ACVR1: variants seen among roughly 807,000 people sequenced by gnomAD.
ACVR1 encodes the protein activin receptor type-1.
ACVR1 carries 38 observed loss-of-function variants against 57.1 expected under a neutral mutation model. The observed-to-expected ratio is 0.67, with a 90% CI of 0.51 to 0.87. ACVR1 has a LOEUF of 0.87. Ranked by LOEUF, ACVR1 falls within the 40% of genes least tolerant of loss-of-function variation. ACVR1 has a pLI of 0.00. For missense variants in ACVR1, 463 were observed against 638.2 expected, an observed-to-expected ratio of 0.73 and a Z score of 2.96; for synonymous variants, 212 against 228.1, an observed-to-expected ratio of 0.93 and a Z score of 0.63.
intron 1 of ACVR1, among the ~76,000 whole-genome samples, chr2:157,869,823 CAT>C (rs1414044719): frequency 1.3e-5 from 2 of 152,206 alleles, no homozygotes; most frequent in African/African-American, 4.8e-5. Flanking sequence ...GCACTGGGCA[CAT>C]GTGTCCCTTA....
At chr2:157,844,625 G>T (rs1477375752) in intron 1 of ACVR1, among the ~76,000 whole-genome samples, 1 of 152,076 alleles carries the variant, frequency 6.6e-6, no homozygotes, top group South Asian at 2.1e-4. Flanking sequence ...TTGATCATCT[G>T]ATAGATGCTG....
At chr2:157,826,677 AAAAG>A (rs1395583069) in intron 1 of ACVR1, 3 of 146,606 alleles carry the variant, frequency 2.0e-5, no homozygotes, top group African/African-American at 7.6e-5. Flanking sequence ...GAAACAAAAG[AAAAG>A]AAAGAAAAAG....
chr2:157,850,782 C>A (rs1165265060), intron 1 of ACVR1, among the ~76,000 whole-genome samples: 1 of 152,058 alleles, frequency 6.6e-6, no homozygotes, highest in Admixed American at 6.5e-5. Context: ...CACGGTGAAA[C>A]CCCGTCTCTA....
intron 1 of ACVR1, among the ~76,000 whole-genome samples, chr2:157,819,026 C>T (rs1688052282): frequency 1.5e-5 from 2 of 133,288 alleles, no homozygotes; most frequent in Non-Finnish European, 3.1e-5. Flanking sequence ...TGCAGTGAGC[C>T]GAGATCCCGC....
At chr2:157,866,121 T>G (rs1372910801) in intron 1 of ACVR1, among the ~76,000 whole-genome samples, 1 of 152,146 alleles carries the variant, frequency 6.6e-6, no homozygotes, top group Non-Finnish European at 1.5e-5. Flanking sequence ...CATATTACTG[T>G]GCACATGTAA....
chr2:157,829,710 T>G (rs1167669467), intron 1 of ACVR1, among the ~76,000 whole-genome samples: 1 of 152,226 alleles, frequency 6.6e-6, no homozygotes, highest in Non-Finnish European at 1.5e-5. Flanking sequence ...TGCTTCAGGA[T>G]CAGCCCCAGC....
chr2:157,751,731 T>C (rs896769497), intron 9 of ACVR1, among the ~76,000 whole-genome samples: 2 of 152,100 alleles, frequency 1.3e-5, no homozygotes. Context: ...GAGGCAGCCA[T>C]AATGCTGGGA....
rs571545568 is a variant in ACVR1, at chr2:157,824,649, C to G, written c.-182-6090G>C. 4.6e-5 allele frequency among the ~76,000 whole-genome samples: 7 copies of G among 152,272 alleles called. No homozygotes were observed. The South Asian group carries it at 1.4e-3, about 32-fold the overall frequency. On this transcript the variant is annotated intron_variant, in intron 1 of 10. Coordinates refer to ENST00000434821, the MANE Select transcript of ACVR1 (RefSeq NM_001111067.4). ...ACTAAAATAGAATACCCCCTTAAGT[C>G]AACTTCTCACCAGATATGAGGTGTG...
Position 157,737,460 on chromosome 2 carries a change from C to A in ACVR1, c.*71G>T. ...GATGGATTCCATTCTGACAACCAGT[C>A]AGGCCAGCATTAGGTCCCAGCTGGA... On this transcript the variant is annotated 3_prime_UTR_variant, in exon 11 of 11. Transcript: ENST00000434821. The A allele has an allele frequency of 6.3e-7, 1 of 1,575,196 alleles. No homozygotes were observed. The highest frequency in any genetic ancestry group is 1.1e-5 in the South Asian group (1 of 88,758).
At chr2:157,759,117 T>C (rs1685547105) in intron 9 of ACVR1, among the ~76,000 whole-genome samples, 1 of 151,352 alleles carries the variant, frequency 6.6e-6, no homozygotes, top group African/African-American at 2.4e-5. Flanking sequence ...AAACCCAAAA[T>C]TAATAGAATA....
intron 1 of ACVR1, chr2:157,838,371 C>A (rs1490084477): frequency 6.6e-6 from 1 of 152,088 alleles, no homozygotes. Context: ...CCCATAGTGA[C>A]AAGTTGCTTA....
intron 3 of ACVR1, among the ~76,000 whole-genome samples, chr2:157,794,751 C>T (rs979817768): frequency 6.6e-5 from 10 of 151,994 alleles, no homozygotes; most frequent in African/African-American, 2.2e-4. Flanking sequence ...TTAAATATTA[C>T]CTATAATCAT....
At chr2:157,759,541 T>C (rs1685560436) in intron 9 of ACVR1, among the ~76,000 whole-genome samples, 1 of 151,966 alleles carries the variant, frequency 6.6e-6, no homozygotes, top group Non-Finnish European at 1.5e-5. Flanking sequence ...AACTTCTTCT[T>C]GAACTATTCC....
At chr2:157,743,198 C>G (rs1357565782) in intron 9 of ACVR1, among the ~76,000 whole-genome samples, 1 of 152,150 alleles carries the variant, frequency 6.6e-6, no homozygotes, top group Non-Finnish European at 1.5e-5. Flanking sequence ...TCCTCCCAAG[C>G]TTGTCCAACT....
At chr2:157,814,685 C>A (rs1687868189) in intron 2 of ACVR1, among the ~76,000 whole-genome samples, 1 of 152,196 alleles carries the variant, frequency 6.6e-6, no homozygotes, top group African/African-American at 2.4e-5. Context: ...AAGTTATTCC[C>A]TATAGCTTTG....
chr2:157,765,407 T>TG (rs1479523632), intron 8 of ACVR1, among the ~76,000 whole-genome samples: 2 of 152,210 alleles, frequency 1.3e-5, no homozygotes, highest in African/African-American at 4.8e-5. Flanking sequence ...GCAACAGTAC[T>TG]GGTTACTTCT....
chr2:157,748,247 T>C (rs1397966759), intron 9 of ACVR1, among the ~76,000 whole-genome samples: 1 of 152,172 alleles, frequency 6.6e-6, no homozygotes, highest in Non-Finnish European at 1.5e-5. Context: ...CCCAAGTCTC[T>C]GCTGAGCAGG....
chr2:157,843,597 C>G (rs1002853473), intron 1 of ACVR1, among the ~76,000 whole-genome samples: 3 of 152,170 alleles, frequency 2.0e-5, no homozygotes, highest in Non-Finnish European at 4.4e-5. Context: ...CCCACACTTG[C>G]CTGACACCAT....
intron 5 of ACVR1, among the ~76,000 whole-genome samples, chr2:157,775,970 C>CAAAGCA (rs775888284): frequency 1.1e-4 from 16 of 152,114 alleles, no homozygotes; most frequent in Non-Finnish European, 2.2e-4. Flanking sequence ...GTGATCTTCC[C>CAAAGCA]CCTTGGGCTC....
Sources: allele counts gnomAD v4.1 joint callset (sites outside exome capture counted in the v4.1 genomes callset), GRCh38; gene constraint gnomAD v4.1.1; transcripts MANE v1.5; gene names NCBI Gene and HGNC (gene_info 2026-07-23, HGNC 2026-07-21).